Variants in ALDH2 observed in about 807,000 individuals in gnomAD.
ALDH2 encodes the protein aldehyde dehydrogenase, mitochondrial.
ALDH2 carries 44 observed loss-of-function variants against 59.6 expected under a neutral mutation model. That is an observed-to-expected ratio of 0.74 (90% CI 0.58 to 0.95). The LOEUF (loss-of-function observed/expected upper bound fraction) is 0.95, where lower values mean the gene tolerates loss of function less well. Ranked by LOEUF, ALDH2 falls within the 40% of genes least tolerant of loss-of-function variation. The pLI is 0.00. For missense variants in ALDH2, 570 were observed against 696.3 expected, an observed-to-expected ratio of 0.82 and a Z score of 2.04; for synonymous variants, 291 against 284.0, an observed-to-expected ratio of 1.02 and a Z score of -0.25.
In ALDH2 at chr12:111,800,460, C is replaced by T. The variant is rs531780043; in HGVS notation, c.1406+397C>T. On this transcript the variant is annotated intron_variant, in intron 11 of 12. Coordinates refer to ENST00000261733, the MANE Select transcript of ALDH2 (RefSeq NM_000690.4). ...ATTTTTTCAGACAGAAAAAAATATT[C>T]TACCCAGGCTGAAGTGCTGTGGGGT... Among the ~76,000 whole-genome samples, 198 of 152,184 alleles carry T rather than the reference C, an allele frequency of 1.3e-3. 1 individual carries two copies. The highest frequency in any genetic ancestry group is 3.9e-3 in the African/African-American group (161 of 41,532).
rs2068437148 is a variant in ALDH2, at chr12:111,799,975, TCCAC to T, written c.1319_1322del (p.Ser440CysfsTer65). ...GGAGGTTGTTGGGAGAGCCAACAATTCCACGTACGGGCTGGCCGCAGCTGTCTTC... is the reference window on the plus strand; with the variant it reads ...GGAGGTTGTTGGGAGAGCCAACAATTGTACGGGCTGGCCGCAGCTGTCTTC... On this transcript the variant is annotated frameshift_variant, in exon 11 of 13. Transcript: ENST00000261733. LOFTEE classifies it high-confidence loss of function. The T allele has an allele frequency of 2.5e-6, 4 of 1,613,924 alleles. No individual in the cohort carries two copies. Among genetic ancestry groups the T allele is most frequent in the Non-Finnish European group, 3.4e-6 (4 of 1,180,014 alleles).
At chr12:111,767,205 A>G in intron 1 of ALDH2, 109 bp downstream of exon 1, 3 of 883,068 alleles carry the variant, frequency 3.4e-6, no homozygotes, top group Non-Finnish European at 4.8e-6. Flanking sequence ...CTGGGGCTCG[A>G]GGGGTTTGCA....
chr12:111,791,701 G>A (rs2068360732), intron 7 of ALDH2, among the ~76,000 whole-genome samples: 1 of 152,158 alleles, frequency 6.6e-6, no homozygotes, highest in South Asian at 2.1e-4. Flanking sequence ...CCAAATCAAA[G>A]CATCTTGGCC....
chr12:111,800,323 C>A (rs1049892261), intron 11 of ALDH2, among the ~76,000 whole-genome samples: 1 of 152,244 alleles, frequency 6.6e-6, no homozygotes, highest in African/African-American at 2.4e-5. Flanking sequence ...GGCAGGAGAC[C>A]AGAGCAGAGG....
At chr12:111,775,261 G>GC (rs1213063491) in intron 1 of ALDH2, among the ~76,000 whole-genome samples, 1 of 152,122 alleles carries the variant, frequency 6.6e-6, no homozygotes, top group Non-Finnish European at 1.5e-5. Context: ...AGAATCGCGA[G>GC]CCCCCCGCTC....
At chr12:111,788,525 T>G (rs1258884483) in intron 4 of ALDH2, among the ~76,000 whole-genome samples, 1 of 152,192 alleles carries the variant, frequency 6.6e-6, no homozygotes, top group East Asian at 1.9e-4. Context: ...TGGGGCCACA[T>G]GCTTTCCTGA....
chr12:111,790,574 A>T lies in ALDH2; in HGVS notation c.681+12A>T, dbSNP rs766664074. 1 of 1,614,084 alleles carries T rather than the reference A, an allele frequency of 6.2e-7. No individual in the cohort carries two copies. ...ACCTGATCAAGGAGGTGCGTGGCTT[A>T]TCCTGGTCTTAACCTCTAAATGCCC... On this transcript the variant is annotated intron_variant, in intron 6 of 12. Transcript: ENST00000261733.
At chr12:111,804,060 T>G in intron 12 of ALDH2, 87 bp downstream of exon 12, 4 of 829,974 alleles carry the variant, frequency 4.8e-6, no homozygotes, top group East Asian at 3.6e-5. Context: ...GATTGGGGTC[T>G]GTTGGGGGCT....
In ALDH2 at chr12:111,789,888, G is replaced by C. The variant is rs1242966205; in HGVS notation, c.506G>C (p.Ser169Thr). The C allele has an allele frequency of 1.9e-6, 3 of 1,614,208 alleles. No homozygotes were observed. ...KTIPIDGDFF[S>T]YTRHEPVGVC... The stretch of plus-strand genomic sequence containing the variant: ...ATCCCCATTGACGGAGACTTCTTCA[G>C]CTACACACGCCATGAACCTGTGGGG... Residue 169 changes from serine to threonine, a missense_variant, in exon 5 of 13, where the codon AGC becomes ACC. Transcript: ENST00000261733.
intron 1 of ALDH2, among the ~76,000 whole-genome samples, chr12:111,768,518 C>A (rs527295411): frequency 6.6e-6 from 1 of 152,388 alleles, no homozygotes; most frequent in East Asian, 1.9e-4. Flanking sequence ...TGTGCAAGTT[C>A]ATGCTTGGAA....
intron 4 of ALDH2, among the ~76,000 whole-genome samples, chr12:111,789,099 C>T (rs1367400819): frequency 6.8e-6 from 1 of 148,138 alleles, no homozygotes; most frequent in Non-Finnish European, 1.5e-5. Flanking sequence ...CTCACTGCAA[C>T]CTCCGCCTCC....
intron 11 of ALDH2, among the ~76,000 whole-genome samples, chr12:111,802,713 TACTAA>T (rs1276253478): frequency 6.8e-6 from 1 of 146,406 alleles, no homozygotes; most frequent in East Asian, 2.1e-4. Flanking sequence ...ACCCCGTTTC[TACTAA>T]AAATACAAAA....
intron 12 of ALDH2, among the ~76,000 whole-genome samples, chr12:111,806,328 A>G (rs539199200): frequency 2.7e-3 from 388 of 145,518 alleles, no homozygotes; most frequent in Middle Eastern, 7.5e-3. Flanking sequence ...GGAAAAAAAA[A>G]AAAAGAAAAA....
chr12:111,791,914 A>G, intron 7 of ALDH2, 147 bp from the exon 8 acceptor site: 1 of 655,840 alleles, frequency 1.5e-6, no homozygotes, highest in Non-Finnish European at 2.7e-6. Flanking sequence ...AGAAAAAAAA[A>G]GTGAACGTCT....
At position 111,792,738 on chromosome 12, in the gene ALDH2, G is replaced by T; in HGVS notation, c.1039G>T (p.Val347Leu). The T allele has an allele frequency of 6.4e-7, 1 of 1,566,966 alleles. No homozygotes were observed. The highest frequency in any genetic ancestry group is 8.6e-7 in the Non-Finnish European group (1 of 1,156,400). ...GAGCGTTGCCCGGGCCAAGTCTCGG[G>T]TGGTCGGGAACCCCTTTGATAGCAA... ...ERSVARAKSR[V>L]VGNPFDSKTE... The change falls in exon 9 of 13, where the codon GTG becomes TTG. Residue 347 changes from valine to leucine, a missense_variant. Physicochemically the swap from Val to Leu is conservative, Grantham distance 32. Coordinates refer to ENST00000261733, the MANE Select transcript of ALDH2 (RefSeq NM_000690.4).
intron 1 of ALDH2, among the ~76,000 whole-genome samples, chr12:111,779,935 A>G (rs1322887441): frequency 6.6e-6 from 1 of 152,208 alleles, no homozygotes; most frequent in African/African-American, 2.4e-5. Context: ...CTCGTTGCCC[A>G]GGCTGGAGTG....
At chr12:111,803,427 A>C (rs764730458) in intron 11 of ALDH2, among the ~76,000 whole-genome samples, 20 of 151,668 alleles carry the variant, frequency 1.3e-4, no homozygotes, top group Non-Finnish European at 2.7e-4. Context: ...GTGAGACCCC[A>C]TCTCTACAAA....
intron 1 of ALDH2, among the ~76,000 whole-genome samples, chr12:111,773,242 C>T (rs935452229): frequency 2.0e-5 from 3 of 152,058 alleles, no homozygotes; most frequent in Admixed American, 1.3e-4. Flanking sequence ...GCTGGGATTA[C>T]AGGCATGAGC....
At chr12:111,779,533 C>T (rs563397478) in intron 1 of ALDH2, among the ~76,000 whole-genome samples, 3 of 152,322 alleles carry the variant, frequency 2.0e-5, no homozygotes, top group African/African-American at 7.2e-5. Context: ...CCCTCCCCAG[C>T]CCTGTTGTGA....
Sources: gnomAD v4.1 joint callset for allele counts (sites outside exome capture counted in the v4.1 genomes callset) on GRCh38, gnomAD v4.1.1 for gene constraint, MANE v1.5 for transcripts, NCBI Gene and HGNC (gene_info 2026-07-23, HGNC 2026-07-21) for gene names.